Variants in PFKFB3 observed in about 807,000 individuals in gnomAD.
The protein encoded by PFKFB3 is 6-phosphofructo-2-kinase/fructose-2,6-bisphosphatase 3.
Under a neutral mutation model 68.0 loss-of-function variants are expected in PFKFB3, and 33 were observed. That is an observed-to-expected ratio of 0.49 (90% confidence interval 0.37 to 0.65). The LOEUF (loss-of-function observed/expected upper bound fraction) is 0.65. Among genes scored for constraint, PFKFB3 ranks in the 30% least tolerant of loss-of-function variants. PFKFB3 has a pLI of 0.00. For missense variants in PFKFB3, 586 were observed against 712.2 expected (o/e 0.82, Z 2.02); for synonymous variants, 315 against 288.2 (o/e 1.09, Z -0.94).
At chr10:6,276,838 T>TGTGTG in the PFKFB3 span, among the ~76,000 whole-genome samples, 11 of 147,308 alleles carry the variant, frequency 7.5e-5, 1 homozygote, top group African/African-American at 2.7e-4. Context: ...TTATATGTAT[T>TGTGTG]TGTGTGTGTG....
chr10:6,200,108 C>G (rs896442345), upstream of PFKFB3, among the ~76,000 whole-genome samples: 4 of 151,988 alleles, frequency 2.6e-5, no homozygotes, highest in Non-Finnish European at 4.4e-5. Flanking sequence ...GACCTGGTTC[C>G]TTGACTACTC....
At chr10:6,173,250 G>T (rs79852465) in intron 1 of PFKFB3, among the ~76,000 whole-genome samples, 1,649 of 152,276 alleles carry the variant, frequency 0.011, 70 homozygotes, top group East Asian at 0.099. Flanking sequence ...AGCCGTTGCT[G>T]GTGGTCATGT....
At chr10:6,179,761 C>T (rs981232018) in intron 1 of PFKFB3, among the ~76,000 whole-genome samples, 1 of 152,128 alleles carries the variant, frequency 6.6e-6, no homozygotes, top group Non-Finnish European at 1.5e-5. Flanking sequence ...CATGCAGACG[C>T]CAGGATTATA....
At chr10:6,298,457 TC>T in the PFKFB3 span, among the ~76,000 whole-genome samples, 1 of 151,830 alleles carries the variant, frequency 6.6e-6, no homozygotes, top group African/African-American at 2.4e-5. Flanking sequence ...ATTACAGCCT[TC>T]TACTCCTGGG....
At chr10:6,313,536 CCCCT>C in the PFKFB3 span, among the ~76,000 whole-genome samples, 142 of 152,348 alleles carry the variant, frequency 9.3e-4, no homozygotes, top group African/African-American at 3.2e-3. The surrounding 1 kb of genome is among the most constrained non-coding windows in gnomAD (Gnocchi z 4.2). Context: ...CAGTTCACAG[CCCCT>C]CCTCTGCCAG....
downstream of PFKFB3, among the ~76,000 whole-genome samples, chr10:6,257,929 A>C (rs1230638312): frequency 6.6e-6 from 1 of 152,158 alleles, no homozygotes; most frequent in African/African-American, 2.4e-5. Flanking sequence ...CTCCTAGCAC[A>C]ATGGCTCTGG....
At chr10:6,158,934 C>T (rs1344084739) in intron 1 of PFKFB3, among the ~76,000 whole-genome samples, 1 of 151,930 alleles carries the variant, frequency 6.6e-6, no homozygotes, top group East Asian at 1.9e-4. Context: ...TGCTGATGTT[C>T]ACACAATCAT....
chr10:6,207,122 C>G (rs554130625), intron 1 of PFKFB3, among the ~76,000 whole-genome samples: 56 of 152,284 alleles, frequency 3.7e-4, no homozygotes, highest in African/African-American at 1.3e-3. Flanking sequence ...GCCGAGATCA[C>G]GCCACTGCAC....
Position 6,147,790 on chromosome 10 carries a change from CGGGGTGGTCCATACAGGGGATCCTGAT to C in PFKFB3, c.16+2798_16+2824del, listed in dbSNP as rs1432447063. On this transcript the variant is annotated intron_variant, in intron 1 of 14. Transcript: ENST00000379789. ...GGGGTGGTCCATACAGGGGACCTGA[CGGGGTGGTCCATACAGGGGATCCTGAT>C]GGGGTGGTCCATACAGGGGAGCCTG... 2.4e-3 allele frequency among the ~76,000 whole-genome samples: 369 copies of C among 151,764 alleles called. 1 individual carries two copies. The highest frequency in any genetic ancestry group is 8.0e-3 in the African/African-American group (331 of 41,406).
chr10:6,206,520 T>G (rs1184574926), intron 1 of PFKFB3, among the ~76,000 whole-genome samples: 1 of 96,234 alleles, frequency 1.0e-5, no homozygotes, highest in Admixed American at 9.3e-5. Context: ...CACTTCCCAG[T>G]AGGGGCGGCC....
At chr10:6,181,104 T>G (rs1435630642) in intron 1 of PFKFB3, among the ~76,000 whole-genome samples, 1 of 152,184 alleles carries the variant, frequency 6.6e-6, no homozygotes, top group Non-Finnish European at 1.5e-5. Context: ...AACCTCAAAC[T>G]CCTGGGCTCA....
chr10:6,302,738 ATG>A, the PFKFB3 span, among the ~76,000 whole-genome samples: 17 of 134,484 alleles, frequency 1.3e-4, no homozygotes, highest in Non-Finnish European at 2.0e-4. Flanking sequence ...AAATAAAAAT[ATG>A]TGTGTGTATA....
At chr10:6,214,600 T>C (rs886443972) in intron 2 of PFKFB3, among the ~76,000 whole-genome samples, 1 of 152,144 alleles carries the variant, frequency 6.6e-6, no homozygotes, top group Non-Finnish European at 1.5e-5. Context: ...TGATTGGGGA[T>C]TGGGCTTCTA....
intron 1 of PFKFB3, among the ~76,000 whole-genome samples, chr10:6,177,424 CCTTT>C (rs1214234250): frequency 3.0e-5 from 1 of 33,554 alleles, no homozygotes; most frequent in East Asian, 7.7e-4. Flanking sequence ...TCTCTTTCTT[CCTTT>C]CTTTTCTTTC....
At chr10:6,321,779 C>A in the PFKFB3 span, among the ~76,000 whole-genome samples, 1 of 152,182 alleles carries the variant, frequency 6.6e-6, no homozygotes, top group Non-Finnish European at 1.5e-5. Context: ...GAATTGCAAA[C>A]CTGACTGATG....
chr10:6,196,096 A>G (rs550787968), intron 1 of PFKFB3, among the ~76,000 whole-genome samples: 1 of 149,768 alleles, frequency 6.7e-6, no homozygotes, highest in Non-Finnish European at 1.5e-5. Context: ...ATGAGACAGC[A>G]CGGGCAGCAG....
At chr10:6,152,789 G>A (rs1232369634) in intron 1 of PFKFB3, among the ~76,000 whole-genome samples, 1 of 152,200 alleles carries the variant, frequency 6.6e-6, no homozygotes, top group African/African-American at 2.4e-5. Context: ...GCTGAGGTGG[G>A]AGGATTGCCT....
chr10:6,243,689 C>T (rs543418956), intron 14 of PFKFB3, among the ~76,000 whole-genome samples: 1 of 152,180 alleles, frequency 6.6e-6, no homozygotes, highest in Non-Finnish European at 1.5e-5. Flanking sequence ...TTATAACTGC[C>T]AGGCTTTAGG....
chr10:6,242,119 T>G (rs1313555656), intron 14 of PFKFB3, among the ~76,000 whole-genome samples: 2 of 152,154 alleles, frequency 1.3e-5, no homozygotes, highest in African/African-American at 4.8e-5. Flanking sequence ...GCAGGGATTA[T>G]AGGCTTATGC....
Sources: allele counts gnomAD v4.1 joint callset (sites outside exome capture counted in the v4.1 genomes callset), GRCh38; gene constraint gnomAD v4.1.1; non-coding constraint Gnocchi (gnomAD v3.1); transcripts MANE v1.5; gene names NCBI Gene and HGNC (gene_info 2026-07-23, HGNC 2026-07-21).